ENTHD1: variants seen among roughly 807,000 people sequenced by gnomAD.
ENTHD1 encodes the protein ENTH domain-containing protein 1.
A neutral mutation model predicts 39.1 loss-of-function variants in ENTHD1; 23 were observed. The ratio of observed to expected loss-of-function variants is 0.59; its 90% CI spans 0.42 to 0.83. ENTHD1 has a LOEUF of 0.83. Among genes scored for constraint, ENTHD1 ranks in the 40% least tolerant of loss-of-function variants. The probability of loss-of-function intolerance (pLI) is 0.00; values close to 1 mark genes in which losing one functional copy is unlikely to be tolerated. For missense variants in ENTHD1, 624 were observed against 705.4 expected, an observed-to-expected ratio of 0.88 and a Z score of 1.31; for synonymous variants, 230 against 258.2, an observed-to-expected ratio of 0.89 and a Z score of 1.05.
intron 4 of ENTHD1, among the ~76,000 whole-genome samples, chr22:39,825,047 C>T (rs537862049): frequency 6.6e-6 from 1 of 152,220 alleles, no homozygotes; most frequent in African/African-American, 2.4e-5. Context: ...TCTTCCAATC[C>T]ATGTAACATG....
chr22:39,770,551 G>A (rs1015659109), intron 5 of ENTHD1, among the ~76,000 whole-genome samples: 4 of 152,076 alleles, frequency 2.6e-5, no homozygotes, highest in Non-Finnish European at 1.5e-5. Context: ...CTCCTCCAGC[G>A]TTAGGGCTGG....
intron 2 of ENTHD1, among the ~76,000 whole-genome samples, chr22:39,868,213 C>T (rs1006997632): frequency 3.3e-5 from 5 of 152,066 alleles, no homozygotes; most frequent in Non-Finnish European, 7.4e-5. Flanking sequence ...AATGAAGCCA[C>T]CTGCTTGCTC....
intron 5 of ENTHD1, among the ~76,000 whole-genome samples, chr22:39,798,653 C>T (rs2065571273): frequency 6.6e-6 from 1 of 152,136 alleles, no homozygotes; most frequent in Admixed American, 6.5e-5. Context: ...GGGTGCCTGT[C>T]CTTGGGCCCC....
chr22:39,746,709 G>A (rs2065108233), intron 6 of ENTHD1, among the ~76,000 whole-genome samples: 1 of 152,176 alleles, frequency 6.6e-6, no homozygotes, highest in Non-Finnish European at 1.5e-5. Context: ...CCTACCTAGA[G>A]GGTAAAGGTC....
At chr22:39,842,222 T>C (rs1415002522) in intron 3 of ENTHD1, among the ~76,000 whole-genome samples, 2 of 151,978 alleles carry the variant, frequency 1.3e-5, no homozygotes, top group Non-Finnish European at 2.9e-5. Flanking sequence ...GTCTTGGAGT[T>C]GCTCTTCTCG....
chr22:39,819,273 G>A (rs2065759518), intron 5 of ENTHD1, among the ~76,000 whole-genome samples: 1 of 152,066 alleles, frequency 6.6e-6, no homozygotes, highest in African/African-American at 2.4e-5. Flanking sequence ...ACTGAGGCAG[G>A]AGAATCGCTT....
intron 3 of ENTHD1, 90 bp downstream of exon 3, chr22:39,861,675 A>G (rs1474639276): frequency 3.7e-6 from 4 of 1,088,742 alleles, no homozygotes; most frequent in African/African-American, 3.2e-5. Flanking sequence ...AATAATATTA[A>G]TAATTTAGTA....
At chr22:39,868,485 A>G (rs2066208999) in intron 2 of ENTHD1, among the ~76,000 whole-genome samples, 1 of 152,234 alleles carries the variant, frequency 6.6e-6, no homozygotes, top group South Asian at 2.1e-4. Flanking sequence ...AGCCAATGAA[A>G]TCAGCAATCT....
chr22:39,868,304 G>A (rs2066206747), intron 2 of ENTHD1, among the ~76,000 whole-genome samples: 1 of 149,504 alleles, frequency 6.7e-6, no homozygotes, highest in South Asian at 2.1e-4. Context: ...ACAGGAGGGA[G>A]TCTAGAAGAC....
At chr22:39,868,364 A>G (rs929593582) in intron 2 of ENTHD1, among the ~76,000 whole-genome samples, 1 of 151,472 alleles carries the variant, frequency 6.6e-6, no homozygotes, top group Non-Finnish European at 1.5e-5. Flanking sequence ...AAAAAAAAAA[A>G]AAAGGAAGGA....
chr22:39,801,716 G>A (rs1431993122), intron 5 of ENTHD1, among the ~76,000 whole-genome samples: 2 of 152,102 alleles, frequency 1.3e-5, no homozygotes, highest in East Asian at 3.9e-4. Context: ...GCTGTAATCA[G>A]AAACATGAGC....
chr22:39,816,053 G>T (rs1484903555), intron 5 of ENTHD1, among the ~76,000 whole-genome samples: 1 of 152,188 alleles, frequency 6.6e-6, no homozygotes, highest in African/African-American at 2.4e-5. Context: ...GGGTGTGAGG[G>T]AGTAAGACCT....
chr22:39,750,519 T>G (rs2065139674), intron 6 of ENTHD1: 2 of 153,168 alleles, frequency 1.3e-5, no homozygotes, highest in African/African-American at 4.9e-5. Context: ...AAAAAATAGG[T>G]GCCCTTGAAG....
intron 5 of ENTHD1, among the ~76,000 whole-genome samples, chr22:39,780,129 T>A (rs1021448609): frequency 6.6e-6 from 1 of 152,144 alleles, no homozygotes; most frequent in African/African-American, 2.4e-5. Flanking sequence ...ACTCCAGGAC[T>A]TTGGGAGGCC....
At chr22:39,844,263 A>G (rs2065969692) in intron 3 of ENTHD1, among the ~76,000 whole-genome samples, 1 of 152,196 alleles carries the variant, frequency 6.6e-6, no homozygotes, top group Non-Finnish European at 1.5e-5. Context: ...AAATAGGTAG[A>G]TAAGAAAAGT....
chr22:39,802,846 T>G (rs948473487), intron 5 of ENTHD1, among the ~76,000 whole-genome samples: 3 of 152,210 alleles, frequency 2.0e-5, no homozygotes, highest in African/African-American at 7.2e-5. Context: ...CCATCTTTCT[T>G]TCCATCACTC....
chr22:39,780,721 G>C (rs183165581), intron 5 of ENTHD1, among the ~76,000 whole-genome samples: 31 of 152,242 alleles, frequency 2.0e-4, no homozygotes, highest in Admixed American at 6.5e-4. Flanking sequence ...ATATTAGGCC[G>C]GGCACGGTGG....
chr22:39,787,398 A>G (rs574794582), intron 5 of ENTHD1, among the ~76,000 whole-genome samples: 1 of 152,316 alleles, frequency 6.6e-6, no homozygotes, highest in East Asian at 1.9e-4. Flanking sequence ...AAATTAAAAG[A>G]GAAAAACAAT....
intron 5 of ENTHD1, among the ~76,000 whole-genome samples, chr22:39,781,280 T>G (rs528602755): frequency 6.6e-6 from 1 of 152,174 alleles, no homozygotes; most frequent in African/African-American, 2.4e-5. Context: ...TCTTAACCAA[T>G]TCAAAAAAGT....
Sources: gnomAD v4.1 joint callset for allele counts (sites outside exome capture counted in the v4.1 genomes callset) on GRCh38, gnomAD v4.1.1 for gene constraint, MANE v1.5 for transcripts, NCBI Gene and HGNC (gene_info 2026-07-23, HGNC 2026-07-21) for gene names.